KIF17: variants seen among roughly 807,000 people sequenced by gnomAD.
KIF17 encodes the protein kinesin family member 17.
In KIF17, 80 loss-of-function variants were observed where a neutral mutation model predicts 96.8. That is an observed-to-expected ratio of 0.83 (90% CI 0.69 to 1.00). KIF17 has a LOEUF of 1.00. Ranked by LOEUF, KIF17 falls within the 50% of genes least tolerant of loss-of-function variation. KIF17 has a pLI of 0.00. For synonymous variants in KIF17, 567 were observed against 587.5 expected (o/e 0.97, Z 0.51); for missense variants, 1,280 against 1,372.9 (o/e 0.93, Z 1.07).
At chr1:20,669,308 C>T (rs1004902712) in intron 13 of KIF17, among the ~76,000 whole-genome samples, 5 of 151,866 alleles carry the variant, frequency 3.3e-5, no homozygotes, top group Admixed American at 6.6e-5. Context: ...AAGGCTGAAG[C>T]GGGCAGATCA....
intron 6 of KIF17, among the ~76,000 whole-genome samples, chr1:20,694,243 G>A (rs2054095015): frequency 6.6e-6 from 1 of 151,944 alleles, no homozygotes; most frequent in African/African-American, 2.4e-5. Flanking sequence ...GACTACAGGT[G>A]CACACCACCA....
intron 10 of KIF17, 139 bp from the exon 11 acceptor site, chr1:20,683,023 C>T (rs923679040): frequency 5.7e-5 from 40 of 699,296 alleles, no homozygotes; most frequent in Admixed American, 9.9e-5. Context: ...AACCGAGGCT[C>T]GGCGACAGGA....
chr1:20,662,993 C>G (rs1029054074), downstream of KIF17, among the ~76,000 whole-genome samples: 4 of 152,234 alleles, frequency 2.6e-5, no homozygotes, highest in Middle Eastern at 0.014. Context: ...TTTGGCAGGC[C>G]GAGGTGGGCA....
Position 20,690,352 on chromosome 1 carries a change from G to GTGGC in KIF17, c.1234-18_1234-17insGCCA. ...TTCATACTCCTGGGGGGGTGGGAGGGACCAGAGGGCAGGCAGCATTTTATC... is the reference window on the plus strand; with the variant it reads ...TTCATACTCCTGGGGGGGTGGGAGGGTGGCACCAGAGGGCAGGCAGCATTTTATC... On this transcript the variant is annotated splice_polypyrimidine_tract_variant and intron_variant, in intron 6 of 14. Coordinates refer to ENST00000400463, the MANE Select transcript of KIF17 (RefSeq NM_001122819.3). 2.2e-6 allele frequency: 1 copy of GTGGC among 451,168 alleles called. No homozygotes were observed. Among genetic ancestry groups the GTGGC allele is most frequent in the Non-Finnish European group, 4.3e-6 (1 of 235,146 alleles). The allele number at this position is 451,168 out of a possible 1,614,324, so 27.9% of individuals were successfully genotyped here.
intron 11 of KIF17, among the ~76,000 whole-genome samples, chr1:20,681,785 T>C (rs1279787811): frequency 6.6e-6 from 1 of 152,162 alleles, no homozygotes; most frequent in Non-Finnish European, 1.5e-5. Flanking sequence ...CTCCTCCTCA[T>C]GCCACCCAGC....
At chr1:20,686,341 C>T (rs2154536024) in intron 8 of KIF17, 1 of 613,496 alleles carries the variant, frequency 1.6e-6, no homozygotes, top group Non-Finnish European at 3.0e-6. Context: ...GTGTGGTGGG[C>T]ACCTGCTGTG....
chr1:20,666,070 A>AC (rs2053521644), intron 14 of KIF17, 144 bp downstream of exon 14: 3 of 745,580 alleles, frequency 4.0e-6, no homozygotes, highest in South Asian at 3.0e-5. Flanking sequence ...AGTTGGTGTT[A>AC]CCCCCCTCAT....
intron 6 of KIF17, among the ~76,000 whole-genome samples, chr1:20,695,483 C>A (rs974756518): frequency 6.6e-6 from 1 of 152,190 alleles, no homozygotes; most frequent in Non-Finnish European, 1.5e-5. Context: ...GCCACTGCAC[C>A]CAACCCCATT....
intron 2 of KIF17, 40 bp downstream of exon 2, chr1:20,715,453 G>A: frequency 6.2e-7 from 1 of 1,605,564 alleles, no homozygotes. Flanking sequence ...GGGCCCAGCT[G>A]CAGCTCTGGC....
chr1:20,674,310 G>A (rs2053699031), intron 11 of KIF17, among the ~76,000 whole-genome samples: 1 of 152,130 alleles, frequency 6.6e-6, no homozygotes, highest in Non-Finnish European at 1.5e-5. Flanking sequence ...CACCAAGCTG[G>A]AGTGCAGTGG....
intron 11 of KIF17, among the ~76,000 whole-genome samples, chr1:20,680,811 A>T (rs2053816425): frequency 6.6e-6 from 1 of 152,062 alleles, no homozygotes; most frequent in African/African-American, 2.4e-5. Context: ...AACAAGGAGC[A>T]TTAAGAAAAG....
In KIF17 at chr1:20,704,559, G is replaced by C. The variant is rs776860804; in HGVS notation, c.1011C>G (p.Asn337Lys). 1 of 1,614,102 alleles carries C rather than the reference G, an allele frequency of 6.2e-7. No homozygotes were observed. The highest frequency in any genetic ancestry group is 8.5e-7 in the Non-Finnish European group (1 of 1,180,040). The change falls in exon 5 of 15, where the codon AAC becomes AAG. Residue 337 changes from asparagine (N) to lysine (K), a missense_variant. Coordinates refer to ENST00000400463, the MANE Select transcript of KIF17 (RefSeq NM_001122819.3). The surrounding 1 kb of genome is among the most constrained non-coding windows in gnomAD (Gnocchi z 6.8). ...RYANRAKNIRNKPRINEDPKD... is the reference protein window; with the variant it reads ...RYANRAKNIRKKPRINEDPKD... ...TGGGGTCCTCATTGATGCGCGGCTT[G>C]TTCCTGATGTTCTTGGCCCGGTTGG... is the stretch of plus-strand genomic sequence containing the variant.
In KIF17 at chr1:20,699,006, G is replaced by A. The variant is rs2054189506; in HGVS notation, c.1124-518C>T. On this transcript the variant is annotated intron_variant, in intron 5 of 14. Transcript: ENST00000400463. The surrounding 1 kb of genome is among the most constrained non-coding windows in gnomAD (Gnocchi z 4.3). The stretch of plus-strand genomic sequence containing the variant: ...GCTCTGCCACCCAAGCCGGAGTGCA[G>A]TGGTGGGATTATAACTCACTGAGGC... Among the ~76,000 whole-genome samples the A allele has an allele frequency of 6.6e-6, 1 of 152,158 alleles. No homozygotes were observed. The highest frequency in any genetic ancestry group is 1.5e-5 in the Non-Finnish European group (1 of 68,034).
At chr1:20,665,574 T>A (rs987267277) in intron 14 of KIF17, among the ~76,000 whole-genome samples, 10 of 151,946 alleles carry the variant, frequency 6.6e-5, no homozygotes, top group Non-Finnish European at 1.2e-4. Flanking sequence ...CTAATTTTTG[T>A]ATTTTTAGTA....
chr1:20,707,781 A>ATGTGTGTGTGTGTGTGTG (rs1436276510), intron 4 of KIF17, among the ~76,000 whole-genome samples: 25 of 90,932 alleles, frequency 2.7e-4, no homozygotes, highest in Middle Eastern at 5.2e-3. Flanking sequence ...AAACAAACCA[A>ATGTGTGTGTGTGTGTGTG]TGTGTATGTG....
At position 20,717,902 on chromosome 1, in the gene KIF17, G is replaced by T. The variant is rs930712601; in HGVS notation, c.-196C>A. On this transcript the variant is annotated 5_prime_UTR_variant, in exon 1 of 15. Coordinates refer to ENST00000400463, the MANE Select transcript of KIF17 (RefSeq NM_001122819.3). The stretch of plus-strand genomic sequence containing the variant: ...AGCTGGGCGTCGCAGGACCCGAGCC[G>T]GGGCCGCCGCTTCCTCCCGCGCCCG... 2 of 259,936 alleles carry T rather than the reference G, an allele frequency of 7.7e-6. No individual in the cohort carries two copies. Among genetic ancestry groups the T allele is most frequent in the Non-Finnish European group, 6.4e-6 (1 of 156,498 alleles). The allele number at this position is 259,936 out of a possible 1,614,324, so 16.1% of individuals were successfully genotyped here. A position where few individuals can be genotyped will look rare whatever the true frequency, so the allele number is the denominator to read the frequency against.
intron 6 of KIF17, among the ~76,000 whole-genome samples, chr1:20,697,442 C>A (rs1570464670): frequency 6.6e-6 from 1 of 151,402 alleles, no homozygotes; most frequent in South Asian, 2.1e-4. Context: ...CCTATCTCTA[C>A]AAAAAAATTT....
rs143670986 is a variant in KIF17, at chr1:20,699,652, G to C, written c.1124-1164C>G. Among the ~76,000 whole-genome samples the C allele has an allele frequency of 2.0e-5, 3 of 152,312 alleles. No individual in the cohort carries two copies. Among genetic ancestry groups the C allele is most frequent in the Non-Finnish European group, 4.4e-5 (3 of 68,028 alleles). The stretch of plus-strand genomic sequence containing the variant: ...AGCGAGGAGAGGGCGGGCACAGGAG[G>C]AGCTTGCTAGACAGGAGGCGCTTGC... On this transcript the variant is annotated intron_variant, in intron 5 of 14. Transcript: ENST00000400463. The surrounding 1 kb of genome is among the most constrained non-coding windows in gnomAD (Gnocchi z 4.3).
chr1:20,715,489 G>T lies in KIF17; in HGVS notation c.378+4C>A. ...CCTGCCCCTTCCCTCTGCGAGGCCC[G>T]TACCTGGACGCTCTCGAACACGTGC... On this transcript the variant is annotated splice_donor_region_variant and intron_variant, in intron 2 of 14. Transcript: ENST00000400463. 6.2e-7 allele frequency: 1 copy of T among 1,612,000 alleles called. No homozygotes were observed. Among genetic ancestry groups the T allele is most frequent in the South Asian group, 1.1e-5 (1 of 91,080 alleles).
Sources: allele counts gnomAD v4.1 joint callset (sites outside exome capture counted in the v4.1 genomes callset), GRCh38; gene constraint gnomAD v4.1.1; non-coding constraint Gnocchi (gnomAD v3.1); transcripts MANE v1.5; gene names NCBI Gene and HGNC (gene_info 2026-07-23, HGNC 2026-07-21).